Variants in XKR6 observed in about 807,000 individuals in gnomAD.
XKR6 encodes the protein XK related 6.
Under a neutral mutation model 56.7 loss-of-function variants are expected in XKR6, and 22 were observed. That is an observed-to-expected ratio of 0.39 (90% CI 0.28 to 0.55). The LOEUF (loss-of-function observed/expected upper bound fraction) is 0.55, where lower values mean the gene tolerates loss of function less well. XKR6 is among the 20% of genes least tolerant of loss of function. The pLI is 0.66. For synonymous variants in XKR6, 524 were observed against 387.8 expected (o/e 1.35, Z -4.13); for missense variants, 852 against 889.0 (o/e 0.96, Z 0.53).
intron 2 of XKR6, among the ~76,000 whole-genome samples, chr8:10,915,244 A>T (rs532091691): frequency 6.6e-6 from 1 of 152,380 alleles, no homozygotes; most frequent in East Asian, 1.9e-4. Flanking sequence ...AGCTCCTGGA[A>T]CCGTGCTAGG....
In XKR6 at chr8:11,078,073, C is replaced by T. The variant is rs563217967; in HGVS notation, c.764+122503G>A. 1.1e-3 allele frequency among the ~76,000 whole-genome samples: 172 copies of T among 152,244 alleles called. 1 individual carries two copies. Among genetic ancestry groups the T allele is most frequent in the Non-Finnish European group, 1.7e-3 (117 of 68,006 alleles). ...CTTCCGACAGTGGCGCTGTTAAAGCCCTCTGGGAAAACATACTCTGCAGCC... is the reference window on the plus strand; with the variant it reads ...CTTCCGACAGTGGCGCTGTTAAAGCTCTCTGGGAAAACATACTCTGCAGCC... On this transcript the variant is annotated intron_variant, in intron 1 of 2. Coordinates refer to ENST00000416569, the MANE Select transcript of XKR6 (RefSeq NM_173683.4).
intron 2 of XKR6, among the ~76,000 whole-genome samples, chr8:10,920,603 T>C (rs913980086): frequency 2.0e-5 from 3 of 152,244 alleles, no homozygotes; most frequent in Non-Finnish European, 2.9e-5. Flanking sequence ...CTTTAAGGCT[T>C]GTACATTTCC....
chr8:10,956,072 C>T (rs1801877727), intron 1 of XKR6, among the ~76,000 whole-genome samples: 1 of 152,184 alleles, frequency 6.6e-6, no homozygotes, highest in South Asian at 2.1e-4. Context: ...GATGTGCCTG[C>T]CCAGTGCTCC....
At chr8:10,957,219 G>C (rs898106011) in intron 1 of XKR6, among the ~76,000 whole-genome samples, 1 of 152,184 alleles carries the variant, frequency 6.6e-6, no homozygotes, top group African/African-American at 2.4e-5. Flanking sequence ...CTGAAATGCT[G>C]GGATTCCAGG....
In XKR6 at chr8:10,911,475, G is replaced by GTATA. The variant is rs570717327; in HGVS notation, c.962-12563_962-12560dup. 1.8e-3 allele frequency among the ~76,000 whole-genome samples: 268 copies of GTATA among 145,620 alleles called. 1 individual carries two copies. Among genetic ancestry groups the GTATA allele is most frequent in the African/African-American group, 6.4e-3 (255 of 39,538 alleles). On this transcript the variant is annotated intron_variant, in intron 2 of 2. Coordinates refer to ENST00000416569, the MANE Select transcript of XKR6 (RefSeq NM_173683.4). ...ATATATAGAGAGAGAATATGTATGT[G>GTATA]TATATATATATATAGAGAGAGAGGG...
At chr8:11,143,709 C>T (rs998640089) in intron 1 of XKR6, among the ~76,000 whole-genome samples, 2 of 152,156 alleles carry the variant, frequency 1.3e-5, no homozygotes, top group Admixed American at 6.5e-5. Context: ...GGATGGGACA[C>T]ATACGGGAGT....
chr8:11,126,681 A>T (rs775870382), intron 1 of XKR6, among the ~76,000 whole-genome samples: 11 of 152,192 alleles, frequency 7.2e-5, no homozygotes. Context: ...TCAACAAAAC[A>T]ATCTATTAAT....
At chr8:10,991,277 C>G (rs923812096) in intron 1 of XKR6, among the ~76,000 whole-genome samples, 2 of 152,104 alleles carry the variant, frequency 1.3e-5, no homozygotes, top group Admixed American at 6.6e-5. Flanking sequence ...GCAGAAAAGT[C>G]TGCTCTGGTG....
At chr8:11,131,064 T>C (rs570861203) in intron 1 of XKR6, among the ~76,000 whole-genome samples, 2 of 152,290 alleles carry the variant, frequency 1.3e-5, no homozygotes, top group East Asian at 3.9e-4. Flanking sequence ...CCGGGGGATT[T>C]CTCTTCTAGC....
At chr8:11,059,273 C>A (rs1257914647) in intron 1 of XKR6, among the ~76,000 whole-genome samples, 2 of 151,798 alleles carry the variant, frequency 1.3e-5, no homozygotes, top group Non-Finnish European at 2.9e-5. Flanking sequence ...GCGGTCCTGG[C>A]GCCTCAGAAA....
intron 1 of XKR6, among the ~76,000 whole-genome samples, chr8:11,127,742 A>C (rs1270207644): frequency 6.6e-6 from 1 of 152,226 alleles, no homozygotes; most frequent in African/African-American, 2.4e-5. Context: ...TCACCTCTGT[A>C]AAGTCTCCTT....
chr8:10,972,532 T>G (rs780047781), intron 1 of XKR6, among the ~76,000 whole-genome samples: 1 of 152,150 alleles, frequency 6.6e-6, no homozygotes, highest in Non-Finnish European at 1.5e-5. Flanking sequence ...GTATTGCACA[T>G]TAAAAGGAGG....
At chr8:11,147,328 A>C (rs1316574811) in intron 1 of XKR6, among the ~76,000 whole-genome samples, 1 of 152,214 alleles carries the variant, frequency 6.6e-6, no homozygotes, top group Admixed American at 6.5e-5. Flanking sequence ...CAAACAACTC[A>C]AAACATGTGC....
In XKR6 at chr8:11,003,392, T is replaced by A. The variant is rs796793449; in HGVS notation, c.765-78562A>T. ...CATCGTCATTACATCACTAACAATG[T>A]CATCATTATCACCATTATCATAATT... On this transcript the variant is annotated intron_variant, in intron 1 of 2. Transcript: ENST00000416569. Among the ~76,000 whole-genome samples the A allele has an allele frequency of 3.0e-4, 46 of 152,186 alleles. 1 individual carries two copies. The highest frequency in any genetic ancestry group is 1.1e-3 in the African/African-American group (45 of 41,510).
intron 1 of XKR6, among the ~76,000 whole-genome samples, chr8:10,968,681 A>G (rs548494655): frequency 6.6e-6 from 1 of 152,344 alleles, no homozygotes; most frequent in South Asian, 2.1e-4. Flanking sequence ...ACCTGACCCC[A>G]TCGGATAAAA....
intron 1 of XKR6, among the ~76,000 whole-genome samples, chr8:11,033,319 A>G (rs1177697804): frequency 1.4e-5 from 2 of 147,958 alleles, no homozygotes; most frequent in African/African-American, 5.2e-5. Flanking sequence ...GATGATGATG[A>G]CGATAGTGAT....
At chr8:10,980,538 T>C (rs1276810413) in intron 1 of XKR6, among the ~76,000 whole-genome samples, 4 of 152,204 alleles carry the variant, frequency 2.6e-5, no homozygotes, top group African/African-American at 9.7e-5. Context: ...ATTCCTAGCA[T>C]GTTGTATGGA....
intron 1 of XKR6, among the ~76,000 whole-genome samples, chr8:11,072,045 T>C (rs1009101337): frequency 1.3e-5 from 2 of 152,220 alleles, no homozygotes; most frequent in Admixed American, 6.5e-5. Flanking sequence ...AAAGCCAGTG[T>C]GTGGGTTGAC....
chr8:11,058,560 C>G (rs1323359275), intron 1 of XKR6, among the ~76,000 whole-genome samples: 1 of 152,158 alleles, frequency 6.6e-6, no homozygotes, highest in African/African-American at 2.4e-5. Context: ...AGCTGGAAGC[C>G]ATCATTCTCA....
Sources: gnomAD v4.1 joint callset for allele counts (sites outside exome capture counted in the v4.1 genomes callset) on GRCh38, gnomAD v4.1.1 for gene constraint, MANE v1.5 for transcripts, NCBI Gene and HGNC (gene_info 2026-07-23, HGNC 2026-07-21) for gene names.